The following FNTA variants were observed in gnomAD, a reference collection of about 807,000 sequenced individuals.
FNTA encodes the protein protein farnesyltransferase/geranylgeranyltransferase type-1 subunit alpha.
Under a neutral mutation model 55.2 loss-of-function variants are expected in FNTA, and 27 were observed. That is an observed-to-expected ratio of 0.49 (90% CI 0.36 to 0.67). The LOEUF (loss-of-function observed/expected upper bound fraction) is 0.67, where lower values mean the gene tolerates loss of function less well. FNTA is among the 30% of genes least tolerant of loss of function. FNTA has a pLI of 0.00. For synonymous variants in FNTA, 176 were observed against 170.7 expected (o/e 1.03, Z -0.24); for missense variants, 422 against 464.7 (o/e 0.91, Z 0.85).
At chr8:43,071,691 T>G (rs1810793535) in intron 4 of FNTA, among the ~76,000 whole-genome samples, 1 of 135,650 alleles carries the variant, frequency 7.4e-6, no homozygotes, top group South Asian at 2.4e-4. Flanking sequence ...CGAGACTTCG[T>G]CTCAAAAAAA....
Position 43,085,157 on chromosome 8 carries a change from C to T in FNTA, c.1018-3C>T. On this transcript the variant is annotated splice_polypyrimidine_tract_variant and splice_region_variant and intron_variant, in intron 8 of 8. Coordinates refer to ENST00000302279, the MANE Select transcript of FNTA (RefSeq NM_002027.3). ...TACTTTAATTTTTATTTTTCATTTT[C>T]AGTTATGTGAAATCCTAGCTAAAGA... The T allele has an allele frequency of 6.6e-7, 1 of 1,526,316 alleles. No individual in the cohort carries two copies. Among genetic ancestry groups the T allele is most frequent in the Admixed American group, 2.1e-5 (1 of 47,172 alleles). 94.5% of individuals were successfully genotyped at this position (1,526,316 alleles called of 1,614,324 possible).
At chr8:43,056,624 C>A in intron 1 of FNTA, 78 bp downstream of exon 1, 1 of 980,434 alleles carries the variant, frequency 1.0e-6, no homozygotes, top group Non-Finnish European at 1.3e-6. Context: ...CGCGCGCTTC[C>A]GGCCCCGGCG....
At chr8:43,083,045 C>CAA in intron 6 of FNTA, 73 bp from the exon 7 acceptor site, 1 of 834,308 alleles carries the variant, frequency 1.2e-6, no homozygotes, top group South Asian at 1.6e-5. Context: ...GACTCCGTTT[C>CAA]AGAAAAAAAA....
At position 43,085,158 on chromosome 8, in the gene FNTA, A is replaced by T; in HGVS notation, c.1018-2A>T. The T allele has an allele frequency of 6.5e-7, 1 of 1,528,244 alleles. No individual in the cohort carries two copies. Among genetic ancestry groups the T allele is most frequent in the Admixed American group, 2.1e-5 (1 of 47,386 alleles). The allele number at this position is 1,528,244 out of a possible 1,614,324, so 94.7% of individuals were successfully genotyped here. A position where few individuals can be genotyped will look rare whatever the true frequency, so the allele number is the denominator to read the frequency against. On this transcript the variant is annotated splice_acceptor_variant, in intron 8 of 8. Coordinates refer to ENST00000302279, the MANE Select transcript of FNTA (RefSeq NM_002027.3). LOFTEE classifies it high-confidence loss of function. ...ACTTTAATTTTTATTTTTCATTTTC[A>T]GTTATGTGAAATCCTAGCTAAAGAA...
Position 43,069,674 on chromosome 8 carries a change from T to C in FNTA, c.506+15T>C, listed in dbSNP as rs143260490. ...TATCAAGTTTGGTAAGTTTGGAGTC[T>C]AGCTGTGTCTCCCAGGCTGGAGTGC... On this transcript the variant is annotated intron_variant, in intron 4 of 8. Coordinates refer to ENST00000302279, the MANE Select transcript of FNTA (RefSeq NM_002027.3). 2.6e-6 allele frequency: 4 copies of C among 1,521,224 alleles called. No individual in the cohort carries two copies. In the East Asian group the frequency reaches 9.0e-5, roughly 34 times the overall value. The allele number at this position is 1,521,224 out of a possible 1,614,324, so 94.2% of individuals were successfully genotyped here.
At chr8:43,065,725 C>A (rs915461261) in intron 3 of FNTA, among the ~76,000 whole-genome samples, 5 of 151,294 alleles carry the variant, frequency 3.3e-5, no homozygotes, top group Admixed American at 3.3e-4. Flanking sequence ...TGCTGCATAC[C>A]TGGTTTTCAG....
At chr8:43,072,394 A>AAC in intron 5 of FNTA, 87 bp downstream of exon 5, 1 of 970,398 alleles carries the variant, frequency 1.0e-6, no homozygotes, top group Non-Finnish European at 1.4e-6. Flanking sequence ...TCTAAACCAA[A>AAC]ACACACACAT....
Position 43,085,606 on chromosome 8 carries a change from G to C in FNTA, c.*324G>C, listed in dbSNP as rs1811113912. On this transcript the variant is annotated 3_prime_UTR_variant, in exon 9 of 9. Coordinates refer to ENST00000302279, the MANE Select transcript of FNTA (RefSeq NM_002027.3). ...GGTACATGCGTCAAGATTTGTAGCA[G>C]TAATAACTGCAGGTCACTTGTATGT... 2 of 273,910 alleles carry C rather than the reference G, an allele frequency of 7.3e-6. No homozygotes were observed. The highest frequency in any genetic ancestry group is 1.1e-4 in the South Asian group (2 of 18,054). 17.0% of individuals were successfully genotyped at this position (273,910 alleles called of 1,614,324 possible).
At chr8:43,083,211 TAAA>T in intron 7 of FNTA, 31 bp downstream of exon 7, 1 of 1,381,450 alleles carries the variant, frequency 7.2e-7, no homozygotes, top group Non-Finnish European at 1.0e-6. Context: ...TTTTTATATA[TAAA>T]AAAGAAGTGG....
At chr8:43,064,001 A>G (rs1810595563) in intron 2 of FNTA, 100 bp from the exon 3 acceptor site, 1 of 757,004 alleles carries the variant, frequency 1.3e-6, no homozygotes, top group Non-Finnish European at 2.2e-6. Flanking sequence ...TAAATGATAC[A>G]CAGGCCAATA....
chr8:43,061,130 T>G, intron 2 of FNTA, among the ~76,000 whole-genome samples: 1 of 152,260 alleles, frequency 6.6e-6, no homozygotes, highest in Non-Finnish European at 1.5e-5. Flanking sequence ...ATACATTTCA[T>G]ATGGGATTTT....
chr8:43,069,152 G>T (rs528351610), intron 3 of FNTA, among the ~76,000 whole-genome samples: 6 of 151,808 alleles, frequency 4.0e-5, no homozygotes, highest in African/African-American at 1.5e-4. Context: ...GTCTCCCTCT[G>T]TTGCCCAGGC....
chr8:43,064,327 G>A (rs974357570), intron 3 of FNTA, 112 bp downstream of exon 3: 2 of 658,514 alleles, frequency 3.0e-6, no homozygotes, highest in East Asian at 2.9e-5. Flanking sequence ...TTTTTTTGGA[G>A]GGGGGTGCAG....
rs1053160413 is a variant in FNTA at position 43,076,116 on chromosome 8, T to G, written c.634-1100T>G. Among the ~76,000 whole-genome samples the G allele has an allele frequency of 1.5e-4, 23 of 152,248 alleles. No homozygotes were observed. In the South Asian group the frequency reaches 1.7e-3, roughly 11 times the overall value. The stretch of plus-strand genomic sequence containing the variant: ...TTGAGTGCAATGGCACGATCTCAGC[T>G]CATTGCAACCTCCACCTCACGGGTT... On this transcript the variant is annotated intron_variant, in intron 5 of 8. Transcript: ENST00000302279.
intron 5 of FNTA, among the ~76,000 whole-genome samples, chr8:43,075,433 TAA>T (rs558376278): frequency 1.3e-3 from 204 of 152,274 alleles, no homozygotes; most frequent in Non-Finnish European, 2.4e-3. Flanking sequence ...AAATTATTTA[TAA>T]GTTTTTTTTA....
intron 4 of FNTA, 30 bp downstream of exon 4, chr8:43,069,689 G>C: frequency 1.4e-6 from 2 of 1,407,040 alleles, no homozygotes; most frequent in Non-Finnish European, 2.0e-6. Context: ...GTGTCTCCCA[G>C]GCTGGAGTGC....
At chr8:43,084,965 A>G (rs980457299) in intron 8 of FNTA, 84 bp downstream of exon 8, 1 of 1,383,954 alleles carries the variant, frequency 7.2e-7, no homozygotes, top group Non-Finnish European at 1.0e-6. Context: ...GTCCCCTTTC[A>G]ACATCGTTCC....
At position 43,077,381 on chromosome 8, in the gene FNTA, ACTTGCTCATT is replaced by A. The variant is rs1376035389; in HGVS notation, c.782+19_782+28del. The stretch of plus-strand genomic sequence containing the variant: ...AGAAGTCCAGTTAGTAATCTCCTTC[ACTTGCTCATT>A]CGTTACAAACATGTTTGCATGCCTA... On this transcript the variant is annotated intron_variant, in intron 6 of 8. Coordinates refer to ENST00000302279, the MANE Select transcript of FNTA (RefSeq NM_002027.3). The A allele has an allele frequency of 1.3e-6, 2 of 1,593,088 alleles. No individual in the cohort carries two copies. Among genetic ancestry groups the A allele is most frequent in the Non-Finnish European group, 1.7e-6 (2 of 1,166,364 alleles).
chr8:43,075,862 C>CTTTTCT (rs1243287038), intron 5 of FNTA, among the ~76,000 whole-genome samples: 3 of 150,762 alleles, frequency 2.0e-5, no homozygotes, highest in South Asian at 4.2e-4. Context: ...GTGTATATTT[C>CTTTTCT]TTTTCTTTTT....
Sources: gnomAD v4.1 joint callset for allele counts (sites outside exome capture counted in the v4.1 genomes callset) on GRCh38, gnomAD v4.1.1 for gene constraint, MANE v1.5 for transcripts, NCBI Gene and HGNC (gene_info 2026-07-23, HGNC 2026-07-21) for gene names.